RBPMS2: variants seen among roughly 807,000 people sequenced by gnomAD.
The protein encoded by RBPMS2 is RNA binding protein, mRNA processing factor 2.
RBPMS2 carries 14 observed loss-of-function variants against 25.7 expected under a neutral mutation model. The observed-to-expected ratio is 0.55, with a 90% confidence interval of 0.36 to 0.85. The LOEUF (loss-of-function observed/expected upper bound fraction) is 0.85, where lower values mean the gene tolerates loss of function less well. Ranked by LOEUF, RBPMS2 falls within the 40% of genes least tolerant of loss-of-function variation. The pLI, the probability that RBPMS2 is intolerant of heterozygous loss-of-function variation, is 0.01. For synonymous variants in RBPMS2, 127 were observed against 115.6 expected (o/e 1.10, Z -0.63); for missense variants, 252 against 283.4 (o/e 0.89, Z 0.80).
rs112966401 is a variant in RBPMS2, at chr15:64,742,360, G to A, written c.568-1118C>T. On this transcript the variant is annotated intron_variant, in intron 6 of 7. Coordinates refer to ENST00000300069, the MANE Select transcript of RBPMS2 (RefSeq NM_194272.3). ...GCCTCTAAGTCCAGAGGTCTATAAC[G>A]TCAGGTGGGCGGCAGCTATCTGAGA... is the stretch of plus-strand genomic sequence containing the variant. 9.4e-3 allele frequency among the ~76,000 whole-genome samples: 1,432 copies of A among 152,284 alleles called. 21 individuals carry two copies. The highest frequency in any genetic ancestry group is 0.032 in the African/African-American group (1,336 of 41,556).
rs904221244 is a variant in RBPMS2 at position 64,744,349 on chromosome 15, G to A, written c.568-3107C>T. Among the ~76,000 whole-genome samples the A allele has an allele frequency of 4.2e-4, 64 of 151,980 alleles. 1 individual carries two copies. The highest frequency in any genetic ancestry group is 1.2e-3 in the African/African-American group (50 of 41,466). On this transcript the variant is annotated intron_variant, in intron 6 of 7. Transcript: ENST00000300069. ...CGAGGCGGACGGATCACCTGAGGTC[G>A]AGAGTTCGAGACCAGCCTGACCAAC...
At chr15:64,760,803 GA>G (rs778747592) in intron 1 of RBPMS2, among the ~76,000 whole-genome samples, 67 of 139,000 alleles carry the variant, frequency 4.8e-4, no homozygotes, top group East Asian at 6.2e-4. Context: ...ACTCCATCTC[GA>G]AAAAAAAAAA....
At chr15:64,765,492 T>C (rs1377247026) in intron 1 of RBPMS2, among the ~76,000 whole-genome samples, 5 of 151,282 alleles carry the variant, frequency 3.3e-5, no homozygotes, top group South Asian at 4.2e-4. Flanking sequence ...AGCTGGGGGA[T>C]TGCTTGAGCC....
chr15:64,758,003 A>C (rs1333892238), intron 1 of RBPMS2, among the ~76,000 whole-genome samples: 1 of 152,190 alleles, frequency 6.6e-6, no homozygotes, highest in African/African-American at 2.4e-5. Context: ...TAAAAAATAA[A>C]AGGTTAGATG....
chr15:64,773,852 C>T (rs2083909056), intron 1 of RBPMS2, among the ~76,000 whole-genome samples: 1 of 152,224 alleles, frequency 6.6e-6, no homozygotes, highest in Non-Finnish European at 1.5e-5. Context: ...CAGGTAGAGT[C>T]AGGATGGGGG....
At chr15:64,774,428 C>G (rs1255252707) in intron 1 of RBPMS2, among the ~76,000 whole-genome samples, 1 of 152,134 alleles carries the variant, frequency 6.6e-6, no homozygotes, top group Non-Finnish European at 1.5e-5. Flanking sequence ...CACACATCCT[C>G]CCTACCATCC....
intron 3 of RBPMS2, 118 bp downstream of exon 3, chr15:64,750,225 G>A (rs999791682): frequency 1.6e-5 from 14 of 891,282 alleles, no homozygotes; most frequent in African/African-American, 3.3e-5. Context: ...CAGGACAACA[G>A]GGAGCGCAAG....
intron 1 of RBPMS2, among the ~76,000 whole-genome samples, chr15:64,759,459 TAGAGA>T (rs1286934233): frequency 2.6e-5 from 4 of 151,410 alleles, no homozygotes; most frequent in African/African-American, 4.9e-5. Flanking sequence ...GGTCATTTTT[TAGAGA>T]AGAGAAGTAA....
chr15:64,756,176 A>G (rs1490815965), intron 1 of RBPMS2, among the ~76,000 whole-genome samples: 1 of 152,184 alleles, frequency 6.6e-6, no homozygotes, highest in Non-Finnish European at 1.5e-5. Context: ...GAAGAAACTC[A>G]CAGCCAGAGA....
chr15:64,749,466 G>T lies in RBPMS2; in HGVS notation c.232C>A (p.Arg78Ser). 3.7e-6 allele frequency: 6 copies of T among 1,613,264 alleles called. No individual in the cohort carries two copies. Among genetic ancestry groups the T allele is most frequent in the Non-Finnish European group, 5.1e-6 (6 of 1,179,870 alleles). The change falls in exon 4 of 8, where the codon CGT (arginine) becomes AGT (serine). Residue 78 changes from arginine (R) to serine (S), a missense_variant. Physicochemically the swap from Arg to Ser is moderately radical, Grantham distance 110. Coordinates refer to ENST00000300069, the MANE Select transcript of RBPMS2 (RefSeq NM_194272.3). ...TTCTTGGCCGCTTCTGCTCCTGCAC[G>T]GCTGTCAAAGATCACAAAACCAACA... is the stretch of plus-strand genomic sequence containing the variant. The part of the protein sequence containing the change: ...QPVGFVIFDS[R>S]AGAEAAKNAL...
intron 1 of RBPMS2, among the ~76,000 whole-genome samples, chr15:64,771,402 G>A (rs2083892010): frequency 6.6e-6 from 1 of 152,172 alleles, no homozygotes; most frequent in Non-Finnish European, 1.5e-5. Context: ...CTATGCACAG[G>A]CCGGGCACGG....
At chr15:64,745,029 G>A (rs2083605811) in intron 6 of RBPMS2, among the ~76,000 whole-genome samples, 1 of 151,886 alleles carries the variant, frequency 6.6e-6, no homozygotes, top group Non-Finnish European at 1.5e-5. Context: ...AGCCAGGCTG[G>A]TCTTGACCAC....
At chr15:64,770,695 T>C (rs1330980219) in intron 1 of RBPMS2, among the ~76,000 whole-genome samples, 2 of 152,086 alleles carry the variant, frequency 1.3e-5, no homozygotes, top group Non-Finnish European at 2.9e-5. Flanking sequence ...ATGCTATTGA[T>C]GTTAAAGAAA....
intron 1 of RBPMS2, among the ~76,000 whole-genome samples, chr15:64,773,051 C>G (rs1164322449): frequency 6.6e-6 from 1 of 152,194 alleles, no homozygotes; most frequent in Non-Finnish European, 1.5e-5. Context: ...TGAGGTCTTA[C>G]GGCGTGCAGC....
At position 64,754,289 on chromosome 15, in the gene RBPMS2, G is replaced by A. The variant is rs145077848; in HGVS notation, c.88-2651C>T. ...ATCGCACCACTGCACTCCAGCATGG[G>A]CGACAGAGTGAGACTCCATCTCAGA... On this transcript the variant is annotated intron_variant, in intron 1 of 7. Transcript: ENST00000300069. 9.1e-3 allele frequency among the ~76,000 whole-genome samples: 1,379 copies of A among 152,000 alleles called. 19 individuals are homozygous for A. Among genetic ancestry groups the A allele is most frequent in the African/African-American group, 0.031 (1,298 of 41,424 alleles).
chr15:64,752,190 T>C (rs2141062284), intron 1 of RBPMS2, among the ~76,000 whole-genome samples: 1 of 152,184 alleles, frequency 6.6e-6, no homozygotes, highest in Non-Finnish European at 1.5e-5. Flanking sequence ...CTGCAGTGCC[T>C]GACCCCCCAA....
intron 1 of RBPMS2, among the ~76,000 whole-genome samples, chr15:64,764,880 T>C (rs1362702808): frequency 7.1e-6 from 1 of 141,708 alleles, no homozygotes; most frequent in African/African-American, 2.7e-5. Flanking sequence ...ACCACGCCAC[T>C]GCACTCTAGC....
chr15:64,759,807 T>C (rs1057500874), intron 1 of RBPMS2, among the ~76,000 whole-genome samples: 1 of 152,152 alleles, frequency 6.6e-6, no homozygotes, highest in Non-Finnish European at 1.5e-5. Context: ...GGAGTAGCTA[T>C]GACTACAGGA....
intron 5 of RBPMS2, 40 bp from the exon 6 acceptor site, chr15:64,748,607 G>A (rs750605311): frequency 1.7e-5 from 25 of 1,510,102 alleles, no homozygotes; most frequent in Middle Eastern, 1.8e-4. Flanking sequence ...CAGAACACTC[G>A]CCTCCCCTTC....
Sources: allele counts gnomAD v4.1 joint callset (sites outside exome capture counted in the v4.1 genomes callset), GRCh38; gene constraint gnomAD v4.1.1; transcripts MANE v1.5; gene names NCBI Gene and HGNC (gene_info 2026-07-23, HGNC 2026-07-21).